The following ADD1 variants were observed in gnomAD, a reference collection of about 807,000 sequenced individuals.
ADD1 encodes the protein alpha-adducin.
A neutral mutation model predicts 80.5 loss-of-function variants in ADD1; 24 were observed. That is an observed-to-expected ratio of 0.30 (90% CI 0.22 to 0.42). The LOEUF (loss-of-function observed/expected upper bound fraction) is 0.42. ADD1 is among the 10% of genes least tolerant of loss of function. The probability of loss-of-function intolerance (pLI) is 1.00; values close to 1 mark genes in which losing one functional copy is unlikely to be tolerated. For missense variants in ADD1, 948 were observed against 1,019.0 expected, an observed-to-expected ratio of 0.93 and a Z score of 0.95; for synonymous variants, 373 against 393.8, an observed-to-expected ratio of 0.95 and a Z score of 0.63.
chr4:2,898,308 A>C lies in ADD1; in HGVS notation c.866A>C (p.Asn289Thr), dbSNP rs1400854459. ...GAGGAAAAAGTTTTGATTCAGAAAA[A>C]TCTGGGGCCTAAAAGCAAGGTCAGT... ...DEEEKVLIQK[N>T]LGPKSKVLIL... The change falls in exon 7 of 16, where the codon AAT (asparagine) becomes ACT (threonine). Residue 289 changes from asparagine to threonine, a missense_variant. Asn to Thr is a moderately conservative substitution (Grantham distance 65). Coordinates refer to ENST00000683351, the MANE Select transcript of ADD1 (RefSeq NM_001354761.2). 3 of 1,614,108 alleles carry C rather than the reference A, an allele frequency of 1.9e-6. No homozygotes were observed. The highest frequency in any genetic ancestry group is 2.5e-6 in the Non-Finnish European group (3 of 1,180,058).
intron 1 of ADD1, among the ~76,000 whole-genome samples, chr4:2,859,282 G>A (rs1487161727): frequency 3.3e-5 from 5 of 152,110 alleles, no homozygotes; most frequent in Admixed American, 6.5e-5. Flanking sequence ...AAAACCAGAA[G>A]AAATCACAAA....
chr4:2,915,764 C>T (rs1046983553), intron 14 of ADD1, among the ~76,000 whole-genome samples: 1 of 152,078 alleles, frequency 6.6e-6, no homozygotes, highest in Non-Finnish European at 1.5e-5. Context: ...GCGGAGGTTG[C>T]GGTGAGCCGA....
At chr4:2,866,780 C>G (rs576307583) in intron 1 of ADD1, among the ~76,000 whole-genome samples, 1 of 152,084 alleles carries the variant, frequency 6.6e-6, no homozygotes, top group Non-Finnish European at 1.5e-5. Flanking sequence ...ATTGTGAGAC[C>G]TCTGAAGCTT....
chr4:2,921,870 T>G (rs1740106660), intron 14 of ADD1, among the ~76,000 whole-genome samples: 3 of 151,990 alleles, frequency 2.0e-5, no homozygotes, highest in Admixed American at 2.0e-4. Flanking sequence ...TTACACTTTA[T>G]TTCATTAAGT....
At chr4:2,884,470 C>T (rs776001026) in intron 3 of ADD1, 45 bp from the exon 4 acceptor site, 15 of 1,512,084 alleles carry the variant, frequency 9.9e-6, no homozygotes, top group Admixed American at 1.8e-5. Context: ...GGACTACAGG[C>T]GTATACCACT....
At chr4:2,917,166 T>C (rs1024925164) in intron 14 of ADD1, among the ~76,000 whole-genome samples, 3 of 152,346 alleles carry the variant, frequency 2.0e-5, no homozygotes, top group Non-Finnish European at 4.4e-5. Flanking sequence ...GTAAAAGTGT[T>C]CCTATTTCTC....
intron 12 of ADD1, 139 bp from the exon 13 acceptor site, chr4:2,909,200 G>C: frequency 2.8e-6 from 2 of 708,862 alleles, no homozygotes; most frequent in Non-Finnish European, 2.5e-6. Flanking sequence ...GTGTCTGCAC[G>C]TCCTGCCATC....
chr4:2,852,207 C>CCTTTCTTTCTTTCCTTT (rs370224375), intron 1 of ADD1, among the ~76,000 whole-genome samples: 1 of 66,102 alleles, frequency 1.5e-5, no homozygotes, highest in Non-Finnish European at 3.0e-5. Context: ...TCCTTTCTTT[C>CCTTTCTTTCTTTCCTTT]CTTTCCTTTC....
At chr4:2,850,492 C>T (rs765877312) in intron 1 of ADD1, among the ~76,000 whole-genome samples, 23 of 152,152 alleles carry the variant, frequency 1.5e-4, no homozygotes, top group Non-Finnish European at 2.9e-4. Context: ...GTGGCACGAT[C>T]TTGGCTCACT....
chr4:2,852,261 C>CTTT (rs1560139008), intron 1 of ADD1, among the ~76,000 whole-genome samples: 24 of 125,206 alleles, frequency 1.9e-4, no homozygotes, highest in Non-Finnish European at 2.5e-4. Context: ...TTCTTTCTTT[C>CTTT]CTTCCTTCCT....
At chr4:2,850,647 A>G (rs1577410911) in intron 1 of ADD1, among the ~76,000 whole-genome samples, 1 of 151,990 alleles carries the variant, frequency 6.6e-6, no homozygotes, top group South Asian at 2.1e-4. Context: ...GGATGGTCTC[A>G]ATCTCCTGAC....
chr4:2,905,735 AC>A (rs1245005456), intron 10 of ADD1: 1 of 153,970 alleles, frequency 6.5e-6, no homozygotes, highest in African/African-American at 2.4e-5. Flanking sequence ...GTGCGGCATG[AC>A]CCAAGTGCAG....
At chr4:2,894,442 A>G in intron 5 of ADD1, 140 bp from the exon 6 acceptor site, 1 of 734,124 alleles carries the variant, frequency 1.4e-6, no homozygotes, top group Non-Finnish European at 2.1e-6. Context: ...GATTGTTTGA[A>G]CCTGGGAGGT....
chr4:2,905,398 C>G (rs941998165), intron 10 of ADD1: 1 of 431,208 alleles, frequency 2.3e-6, no homozygotes, highest in Non-Finnish European at 4.1e-6. Flanking sequence ...CAAATAGGAG[C>G]TCTTCTTATT....
At chr4:2,922,173 C>A (rs1037408571) in intron 14 of ADD1, among the ~76,000 whole-genome samples, 7 of 151,986 alleles carry the variant, frequency 4.6e-5, no homozygotes, top group African/African-American at 1.7e-4. Context: ...AGTTTTGTTC[C>A]CTTGCTGGTG....
chr4:2,861,999 G>T (rs991903648), intron 1 of ADD1, among the ~76,000 whole-genome samples: 14 of 152,196 alleles, frequency 9.2e-5, no homozygotes, highest in Non-Finnish European at 1.5e-4. Flanking sequence ...TCTTCTTCCA[G>T]TGTGGCCCAG....
chr4:2,860,139 C>T (rs550393850), intron 1 of ADD1, among the ~76,000 whole-genome samples: 81 of 152,142 alleles, frequency 5.3e-4, no homozygotes, highest in Non-Finnish European at 1.1e-3. Context: ...GTACCATGCT[C>T]ACTTAGTTAT....
chr4:2,855,217 C>A (rs1202223458), intron 1 of ADD1, among the ~76,000 whole-genome samples: 2 of 152,182 alleles, frequency 1.3e-5, no homozygotes, highest in Non-Finnish European at 2.9e-5. Context: ...TTATTCAGAC[C>A]TGTTAACTTG....
chr4:2,881,794 C>T, intron 2 of ADD1, 104 bp from the exon 3 acceptor site: 1 of 892,530 alleles, frequency 1.1e-6, no homozygotes, highest in Non-Finnish European at 1.6e-6. Flanking sequence ...GCCTTTCCAG[C>T]ACTGGATGAA....
Sources: gnomAD v4.1 joint callset for allele counts (sites outside exome capture counted in the v4.1 genomes callset) on GRCh38, gnomAD v4.1.1 for gene constraint, MANE v1.5 for transcripts, NCBI Gene and HGNC (gene_info 2026-07-23, HGNC 2026-07-21) for gene names.